BLOC1S6: variants seen among roughly 807,000 people sequenced by gnomAD.
The protein encoded by BLOC1S6 is biogenesis of lysosome-related organelles complex 1 subunit 6.
Under a neutral mutation model 24.7 loss-of-function variants are expected in BLOC1S6, and 24 were observed. The ratio of observed to expected loss-of-function variants is 0.97; its 90% confidence interval spans 0.70 to 1.37. The LOEUF is 1.37. BLOC1S6 is among the 40% of genes most tolerant of loss of function. The probability of loss-of-function intolerance (pLI) is 0.00; values close to 1 mark genes in which losing one functional copy is unlikely to be tolerated. For missense variants in BLOC1S6, 175 were observed against 196.2 expected (o/e 0.89, Z 0.64); for synonymous variants, 76 against 72.6 (o/e 1.05, Z -0.23).
intron 1 of BLOC1S6, chr15:45,587,803 C>T (rs1893737620): frequency 1.4e-6 from 1 of 700,708 alleles, no homozygotes. Flanking sequence ...TCCGGTACGT[C>T]ATTGGTTATT....
intron 1 of BLOC1S6, among the ~76,000 whole-genome samples, chr15:45,590,892 A>G (rs1181808376): frequency 6.6e-6 from 1 of 152,164 alleles, no homozygotes; most frequent in African/African-American, 2.4e-5. Context: ...TTAGTGTATA[A>G]TTTTAGTAAA....
intron 2 of BLOC1S6, 46 bp downstream of exon 2, chr15:45,592,322 T>G (rs1274318416): frequency 1.7e-5 from 28 of 1,601,504 alleles, no homozygotes; most frequent in African/African-American, 4.0e-5. Context: ...CTCTGTGGCA[T>G]AGTCACAATT....
At chr15:45,594,829 C>T (rs980539853) in intron 2 of BLOC1S6, among the ~76,000 whole-genome samples, 1 of 152,172 alleles carries the variant, frequency 6.6e-6, no homozygotes, top group Non-Finnish European at 1.5e-5. Context: ...AAGTGATCTG[C>T]CCACCTTGGC....
At chr15:45,602,542 A>C (rs1420082912) in intron 2 of BLOC1S6, among the ~76,000 whole-genome samples, 1 of 152,218 alleles carries the variant, frequency 6.6e-6, no homozygotes, top group African/African-American at 2.4e-5. Context: ...GTAAATGAGG[A>C]GATTTAGGCC....
Position 45,592,192 on chromosome 15 carries a change from A to C in BLOC1S6, c.140A>C (p.Lys47Thr). 6.2e-7 allele frequency: 1 copy of C among 1,614,176 alleles called. No individual in the cohort carries two copies. Among genetic ancestry groups the C allele is most frequent in the South Asian group, 1.1e-5 (1 of 91,086 alleles). ...ATAGAGGACTTGACTATAGAAGACA[A>C]AGCAGTGGAGCAACTGGCAGAAGGA... is the stretch of plus-strand genomic sequence containing the variant. ...GLIEDLTIED[K>T]AVEQLAEGLL... Residue 47 changes from lysine to threonine, a missense_variant, in exon 2 of 5, where the codon AAA becomes ACA. Lys to Thr is a moderately conservative substitution (Grantham distance 78). Transcript: ENST00000220531.
At chr15:45,600,733 G>A (rs924723022) in intron 2 of BLOC1S6, among the ~76,000 whole-genome samples, 4 of 152,076 alleles carry the variant, frequency 2.6e-5, no homozygotes, top group Non-Finnish European at 4.4e-5. Context: ...GTTTTATATC[G>A]ATGTTCATGA....
In BLOC1S6 at chr15:45,603,197, A is replaced by G. The variant is rs1894330518; in HGVS notation, c.312+10A>G. The stretch of plus-strand genomic sequence containing the variant: ...GGATATTAATGCTTTGGTAAGTATG[A>G]TTTAGTTGATGTAATTTAATGACAT... On this transcript the variant is annotated intron_variant, in intron 3 of 4. Transcript: ENST00000220531. 3 of 1,526,846 alleles carry G rather than the reference A, an allele frequency of 2.0e-6. No individual in the cohort carries two copies. 94.6% of individuals were successfully genotyped at this position (1,526,846 alleles called of 1,614,324 possible).
At chr15:45,605,998 G>T (rs1326970912) in intron 4 of BLOC1S6, among the ~76,000 whole-genome samples, 1 of 152,160 alleles carries the variant, frequency 6.6e-6, no homozygotes, top group East Asian at 1.9e-4. Context: ...TAGAGACAGG[G>T]TCTCACTACG....
In BLOC1S6 at chr15:45,603,125, A is replaced by G. The variant is rs1413156618; in HGVS notation, c.250A>G (p.Thr84Ala). 1.2e-6 allele frequency: 2 copies of G among 1,611,606 alleles called. No homozygotes were observed. Among genetic ancestry groups the G allele is most frequent in the Non-Finnish European group, 1.7e-6 (2 of 1,178,108 alleles). The part of the protein sequence containing the change: ...LTQNQVVLLD[T>A]LEQEISKFKE... ...ACAGAACCAAGTTGTATTGTTAGAC[A>G]CACTGGAACAAGAGATTTCAAAATT... The change falls in exon 3 of 5, where the codon ACA becomes GCA. Residue 84 changes from threonine (T) to alanine (A), a missense_variant. Physicochemically the swap from Thr to Ala is moderately conservative, Grantham distance 58 (BLOSUM62 0). Coordinates refer to ENST00000220531, the MANE Select transcript of BLOC1S6 (RefSeq NM_012388.4).
intron 2 of BLOC1S6, among the ~76,000 whole-genome samples, chr15:45,594,273 A>G (rs1416306197): frequency 1.3e-5 from 2 of 152,162 alleles, no homozygotes; most frequent in Admixed American, 1.3e-4. Flanking sequence ...AGCTTTATAT[A>G]TAAGAAAGGT....
intron 1 of BLOC1S6, among the ~76,000 whole-genome samples, chr15:45,588,502 C>T (rs146207319): frequency 2.6e-5 from 4 of 152,308 alleles, no homozygotes; most frequent in African/African-American, 9.6e-5. Flanking sequence ...CTCTCTCTCT[C>T]CTTCCACCTC....
chr15:45,603,253 A>T, intron 3 of BLOC1S6, 66 bp downstream of exon 3: 15 of 961,760 alleles, frequency 1.6e-5, no homozygotes, highest in African/African-American at 5.4e-5. Flanking sequence ...GACTTAGCTA[A>T]GCAATAGCTA....
chr15:45,590,854 G>C (rs1893858259), intron 1 of BLOC1S6, among the ~76,000 whole-genome samples: 1 of 152,128 alleles, frequency 6.6e-6, no homozygotes, highest in Non-Finnish European at 1.5e-5. Context: ...GAAGAGAGAT[G>C]TTTCAGAGTT....
chr15:45,604,510 A>C (rs1182452245), intron 3 of BLOC1S6, among the ~76,000 whole-genome samples: 1 of 152,168 alleles, frequency 6.6e-6, no homozygotes. Flanking sequence ...TGAATTAACC[A>C]AGCAGATGTA....
chr15:45,609,349 C>CA lies in BLOC1S6; in HGVS notation c.*2837dup, dbSNP rs1399382583. 3 of 152,024 alleles carry CA rather than the reference C, an allele frequency of 2.0e-5. No individual in the cohort carries two copies. Among genetic ancestry groups the CA allele is most frequent in the African/African-American group, 7.3e-5 (3 of 41,354 alleles). 9.4% of individuals were successfully genotyped at this position (152,024 alleles called of 1,614,324 possible). ...AAAACAAAACAAACAAACAAACAAACAACGTATCTTACTGACTAAACTGGA... is the reference window on the plus strand; with the variant it reads ...AAAACAAAACAAACAAACAAACAAACAAACGTATCTTACTGACTAAACTGGA... On this transcript the variant is annotated 3_prime_UTR_variant, in exon 5 of 5. Transcript: ENST00000220531.
Position 45,587,959 on chromosome 15 carries a change from C to T in BLOC1S6, c.82+434C>T, listed in dbSNP as rs1893745011. On this transcript the variant is annotated intron_variant, in intron 1 of 4. Transcript: ENST00000220531. ...ACTTCATCCCTATTCCTGCAGCAGTCTTCTCGACCGAGTTCCAGGAGGGAT... is the reference window on the plus strand; with the variant it reads ...ACTTCATCCCTATTCCTGCAGCAGTTTTCTCGACCGAGTTCCAGGAGGGAT... The T allele has an allele frequency of 5.2e-6, 3 of 581,056 alleles. No homozygotes were observed. The Admixed American group carries it at 1.0e-4, about 19-fold the overall frequency. The allele number at this position is 581,056 out of a possible 1,614,324, so 36.0% of individuals were successfully genotyped here. A position where few individuals can be genotyped will look rare whatever the true frequency, so the allele number is the denominator to read the frequency against.
intron 2 of BLOC1S6, among the ~76,000 whole-genome samples, chr15:45,595,013 C>T (rs1894018068): frequency 6.6e-6 from 1 of 151,984 alleles, no homozygotes; most frequent in African/African-American, 2.4e-5. Flanking sequence ...CAGGGTAGTG[C>T]CTGGGAGGTT....
chr15:45,590,034 G>T (rs1445303095), intron 1 of BLOC1S6, among the ~76,000 whole-genome samples: 1 of 152,042 alleles, frequency 6.6e-6, no homozygotes, highest in East Asian at 1.9e-4. Context: ...TAAGAAAATT[G>T]TTTTCTATAT....
chr15:45,589,549 T>C (rs1257218322), intron 1 of BLOC1S6, among the ~76,000 whole-genome samples: 3 of 152,246 alleles, frequency 2.0e-5, no homozygotes, highest in Non-Finnish European at 4.4e-5. Context: ...CCCCTGAATT[T>C]CCATAACATT....
Sources: gnomAD v4.1 joint callset for allele counts (sites outside exome capture counted in the v4.1 genomes callset) on GRCh38, gnomAD v4.1.1 for gene constraint, MANE v1.5 for transcripts, NCBI Gene and HGNC (gene_info 2026-07-23, HGNC 2026-07-21) for gene names.